Variants in NUP62CL observed in about 807,000 individuals in gnomAD.
NUP62CL encodes the protein nucleoporin 62 C-terminal like.
In NUP62CL, 13 loss-of-function variants were observed where a neutral mutation model predicts 15.3. That is an observed-to-expected ratio of 0.85 (90% CI 0.55 to 1.35). NUP62CL has a LOEUF of 1.35. Among genes scored for constraint, NUP62CL ranks in the 40% most tolerant of loss-of-function variants. The pLI, the probability that NUP62CL is intolerant of heterozygous loss-of-function variation, is 0.00. For synonymous variants in NUP62CL, 54 were observed against 49.2 expected, an observed-to-expected ratio of 1.10 and a Z score of -0.41; for missense variants, 123 against 130.6, an observed-to-expected ratio of 0.94 and a Z score of 0.28.
At chrX:107,132,503 A>C (rs1010614008) in intron 8 of NUP62CL, among the ~76,000 whole-genome samples, 5 of 112,267 alleles carry the variant, frequency 4.5e-5, no homozygotes, top group African/African-American at 1.6e-4. Flanking sequence ...TCACACCTGT[A>C]ATCTCAGCAC....
chrX:107,152,058 A>T (rs1252533263), intron 7 of NUP62CL, among the ~76,000 whole-genome samples: 1 of 69,555 alleles, frequency 1.4e-5, no homozygotes, highest in East Asian at 5.3e-4. Flanking sequence ...AGATATATAT[A>T]TATATATATA....
At chrX:107,128,096 G>C (rs755216249) in intron 8 of NUP62CL, among the ~76,000 whole-genome samples, 1 of 111,767 alleles carries the variant, frequency 8.9e-6, no homozygotes, top group African/African-American at 3.2e-5. Context: ...TTTTAAAACA[G>C]ACATTACTAC....
At chrX:107,143,917 T>C (rs879236210) in intron 8 of NUP62CL, among the ~76,000 whole-genome samples, 1 of 111,574 alleles carries the variant, frequency 9.0e-6, no homozygotes, top group African/African-American at 3.3e-5. Flanking sequence ...CCTGCCACTC[T>C]CAATTTCTTC....
intron 2 of NUP62CL, among the ~76,000 whole-genome samples, chrX:107,180,938 G>A (rs1487451964): frequency 1.2e-5 from 1 of 86,241 alleles, no homozygotes; most frequent in Non-Finnish European, 2.2e-5. Context: ...TTTTTGAGGT[G>A]GAGTCTCGCT....
chrX:107,147,865 A>C (rs1925917441), intron 7 of NUP62CL, 56 bp from the exon 8 acceptor site: 2 of 940,219 alleles, frequency 2.1e-6, no homozygotes, highest in Non-Finnish European at 3.0e-6. Context: ...GTAAATAAAA[A>C]ATAAACATAA....
At chrX:107,203,664 A>C (rs1052718122) in intron 1 of NUP62CL, among the ~76,000 whole-genome samples, 2 of 111,744 alleles carry the variant, frequency 1.8e-5, no homozygotes, top group Non-Finnish European at 3.8e-5. Flanking sequence ...AATGCAAAAT[A>C]TAAAGATCAT....
At chrX:107,156,016 G>A (rs1244794518) in intron 4 of NUP62CL, among the ~76,000 whole-genome samples, 1 of 111,600 alleles carries the variant, frequency 9.0e-6, no homozygotes, top group Non-Finnish European at 1.9e-5. Context: ...AGAAAGGGGT[G>A]ACGGACGCAC....
chrX:107,148,753 T>C (rs893150875), intron 7 of NUP62CL, among the ~76,000 whole-genome samples: 1 of 110,895 alleles, frequency 9.0e-6, no homozygotes, highest in Non-Finnish European at 1.9e-5. Flanking sequence ...AATAAAACTT[T>C]TAGACATTAG....
chrX:107,125,013 T>C (rs1156284993), intron 8 of NUP62CL, among the ~76,000 whole-genome samples: 1 of 111,653 alleles, frequency 9.0e-6, no homozygotes, highest in Admixed American at 9.5e-5. Flanking sequence ...TTAAACGATA[T>C]ACAGTTGACT....
chrX:107,125,624 A>G (rs907807833), intron 8 of NUP62CL, among the ~76,000 whole-genome samples: 1 of 111,547 alleles, frequency 9.0e-6, no homozygotes, highest in Non-Finnish European at 1.9e-5. Flanking sequence ...CTGGCAAACT[A>G]TATCTCCTTT....
intron 8 of NUP62CL, among the ~76,000 whole-genome samples, chrX:107,142,551 T>G (rs1388569549): frequency 8.9e-6 from 1 of 112,211 alleles, no homozygotes; most frequent in East Asian, 2.8e-4. Context: ...ATGAAAATAC[T>G]CAGTGAACTT....
At chrX:107,197,155 T>G (rs1357303086) in intron 1 of NUP62CL, among the ~76,000 whole-genome samples, 2 of 112,332 alleles carry the variant, frequency 1.8e-5, no homozygotes, top group Non-Finnish European at 3.8e-5. Context: ...TATCTTTTTC[T>G]GCATATTTGG....
Position 107,153,241 on chromosome X carries a change from A to G in NUP62CL, c.461T>C (p.Leu154Ser), listed in dbSNP as rs1405560760. The G allele has an allele frequency of 8.3e-7, 1 of 1,207,746 alleles. No individual in the cohort carries two copies. The highest frequency in any genetic ancestry group is 1.1e-6 in the Non-Finnish European group (1 of 891,935). ...QQELEFLLTY[L>S]EESTRDQSGL... is the part of the protein sequence containing the mutation. ...ACTCTGGTCACGCGTAGACTCCTCT[A>G]AATAAGTCAACAGAAATTCTAGTTC... The change falls in exon 7 of 9, where the codon TTA becomes TCA. Residue 154 changes from leucine to serine, a missense_variant. Transcript: ENST00000372466.
At chrX:107,132,715 C>T (rs776677417) in intron 8 of NUP62CL, among the ~76,000 whole-genome samples, 74 of 112,042 alleles carry the variant, frequency 6.6e-4, no homozygotes, top group African/African-American at 2.2e-3. Context: ...GCTGCGTTTG[C>T]GCCTCTGTAC....
At chrX:107,163,912 G>A (rs998789581) in intron 4 of NUP62CL, among the ~76,000 whole-genome samples, 6 of 111,405 alleles carry the variant, frequency 5.4e-5, no homozygotes, top group African/African-American at 1.3e-4. Context: ...AATTAAAGGC[G>A]GAGATTTCAA....
At chrX:107,167,844 G>A in intron 3 of NUP62CL, 60 bp from the exon 4 acceptor site, 1 of 1,038,896 alleles carries the variant, frequency 9.6e-7, no homozygotes, top group Admixed American at 3.0e-5. Flanking sequence ...TTTAAGCCTT[G>A]ATCATTCAGA....
chrX:107,152,322 G>GA (rs1463034982), intron 7 of NUP62CL, among the ~76,000 whole-genome samples: 1 of 106,005 alleles, frequency 9.4e-6, no homozygotes, highest in African/African-American at 3.4e-5. Context: ...AGAATGCATA[G>GA]AAAGCAATAC....
At chrX:107,145,038 G>GT (rs1444340057) in intron 8 of NUP62CL, among the ~76,000 whole-genome samples, 1 of 111,329 alleles carries the variant, frequency 9.0e-6, no homozygotes, top group Non-Finnish European at 1.9e-5. Flanking sequence ...ACTTGAACCC[G>GT]TATCTATCTG....
chrX:107,184,309 AAGAAAGAAAG>A (rs1330318363), intron 2 of NUP62CL, among the ~76,000 whole-genome samples: 24 of 33,920 alleles, frequency 7.1e-4, no homozygotes, highest in African/African-American at 4.0e-3. Flanking sequence ...GAAAGAAAGA[AAGAAAGAAAG>A]AAAGAAAGAA....
Sources: gnomAD v4.1 joint callset for allele counts (sites outside exome capture counted in the v4.1 genomes callset) on GRCh38, gnomAD v4.1.1 for gene constraint, MANE v1.5 for transcripts, NCBI Gene and HGNC (gene_info 2026-07-23, HGNC 2026-07-21) for gene names.